The following SMG6 variants were observed in gnomAD, a reference collection of about 807,000 sequenced individuals.
The protein encoded by SMG6 is SMG6 nonsense mediated mRNA decay factor.
SMG6 carries 66 observed loss-of-function variants against 142.2 expected under a neutral mutation model. The observed-to-expected ratio is 0.46, with a 90% CI of 0.38 to 0.57. The LOEUF (loss-of-function observed/expected upper bound fraction) is 0.57. SMG6 is among the 20% of genes least tolerant of loss of function. The pLI is 0.00. For synonymous variants in SMG6, 779 were observed against 702.4 expected (o/e 1.11, Z -1.72); for missense variants, 1,793 against 1,832.0 (o/e 0.98, Z 0.39).
intron 13 of SMG6, among the ~76,000 whole-genome samples, chr17:2,164,136 G>T (rs891536668): frequency 6.6e-6 from 1 of 151,768 alleles, no homozygotes; most frequent in Non-Finnish European, 1.5e-5. Context: ...CTTAGCCAGA[G>T]AGGGGCACAG....
At chr17:2,113,572 C>T (rs568311585) in intron 13 of SMG6, among the ~76,000 whole-genome samples, 1 of 152,204 alleles carries the variant, frequency 6.6e-6, no homozygotes, top group South Asian at 2.1e-4. Context: ...GGACTGCTTT[C>T]TCTTACACAG....
chr17:2,186,053 C>T (rs778104841), intron 12 of SMG6, among the ~76,000 whole-genome samples: 6 of 152,136 alleles, frequency 3.9e-5, no homozygotes, highest in Middle Eastern at 3.4e-3. Flanking sequence ...CGGCGAAACC[C>T]TGTCTCTACC....
chr17:2,120,966 T>A (rs946533396), intron 13 of SMG6, among the ~76,000 whole-genome samples: 12 of 152,132 alleles, frequency 7.9e-5, no homozygotes, highest in Non-Finnish European at 1.8e-4. Flanking sequence ...CTATAGATGA[T>A]GAGCTTAAAA....
chr17:2,116,614 C>T lies in SMG6; in HGVS notation c.3358-30713G>A, dbSNP rs143841836. 4.7e-4 allele frequency among the ~76,000 whole-genome samples: 71 copies of T among 151,918 alleles called. 1 individual carries two copies. The East Asian group carries it at 0.014, about 29-fold the overall frequency. On this transcript the variant is annotated intron_variant, in intron 13 of 18. Coordinates refer to ENST00000263073, the MANE Select transcript of SMG6 (RefSeq NM_017575.5). ...TACAAAAATTAGCTGGGTGTGGTGG[C>T]GGGTACATGTGTAATCCCAGTTACT...
chr17:2,160,581 G>T (rs1214069007), intron 13 of SMG6, among the ~76,000 whole-genome samples: 1 of 152,154 alleles, frequency 6.6e-6, no homozygotes, highest in Non-Finnish European at 1.5e-5. Flanking sequence ...TGTAATTCCA[G>T]CACTTTAGGA....
chr17:2,151,906 G>C (rs547142130), intron 13 of SMG6, among the ~76,000 whole-genome samples: 2 of 152,222 alleles, frequency 1.3e-5, no homozygotes, highest in Non-Finnish European at 2.9e-5. Flanking sequence ...CCCTGACTAG[G>C]CTCTGCCGAT....
At chr17:2,210,075 C>G (rs2072802857) in intron 10 of SMG6, among the ~76,000 whole-genome samples, 1 of 152,138 alleles carries the variant, frequency 6.6e-6, no homozygotes, top group Non-Finnish European at 1.5e-5. Context: ...GACTCAGCCC[C>G]TTTGACCCAA....
chr17:2,087,414 A>T, intron 13 of SMG6: 1 of 1,185,172 alleles, frequency 8.4e-7, no homozygotes, highest in Non-Finnish European at 1.1e-6. Flanking sequence ...TTCACCAAAA[A>T]GCCAACCCCG....
At chr17:2,125,770 T>C (rs1404840064) in intron 13 of SMG6, among the ~76,000 whole-genome samples, 1 of 152,104 alleles carries the variant, frequency 6.6e-6, no homozygotes, top group Non-Finnish European at 1.5e-5. Context: ...CTGGTCAACA[T>C]GGCAAAACAC....
At chr17:2,116,102 G>A (rs1190924196) in intron 13 of SMG6, among the ~76,000 whole-genome samples, 10 of 152,040 alleles carry the variant, frequency 6.6e-5, no homozygotes, top group African/African-American at 9.7e-5. Context: ...ACAGGATCTC[G>A]CTGTGTTGCC....
chr17:2,289,222 C>G (rs2074977083), intron 6 of SMG6, among the ~76,000 whole-genome samples: 1 of 151,832 alleles, frequency 6.6e-6, no homozygotes, highest in African/African-American at 2.4e-5. Context: ...TGTATTCCAG[C>G]CTGGGTGACA....
chr17:2,167,976 T>C (rs1235764518), intron 13 of SMG6, among the ~76,000 whole-genome samples: 1 of 152,146 alleles, frequency 6.6e-6, no homozygotes, highest in Non-Finnish European at 1.5e-5. Flanking sequence ...TAAAAAGTTC[T>C]CCTGCCTCAG....
At chr17:2,138,466 G>A (rs2070374672) in intron 13 of SMG6, among the ~76,000 whole-genome samples, 1 of 152,092 alleles carries the variant, frequency 6.6e-6, no homozygotes, top group Non-Finnish European at 1.5e-5. Context: ...CAGACTAAAT[G>A]AAGACATATA....
chr17:2,093,004 G>A (rs1323127667), intron 13 of SMG6, among the ~76,000 whole-genome samples: 3 of 152,070 alleles, frequency 2.0e-5, no homozygotes, highest in African/African-American at 7.2e-5. Flanking sequence ...AGATCAGCCC[G>A]GCCAACATGG....
At chr17:2,210,245 T>C (rs912938611) in intron 10 of SMG6, among the ~76,000 whole-genome samples, 5 of 152,022 alleles carry the variant, frequency 3.3e-5, no homozygotes, top group Non-Finnish European at 5.9e-5. Flanking sequence ...TGGGGGGAAC[T>C]TGACAAGTGA....
At position 2,063,742 on chromosome 17, in the gene SMG6, G is replaced by T. The variant is rs558125976; in HGVS notation, c.4129+1331C>A. On this transcript the variant is annotated intron_variant, in intron 18 of 18. Coordinates refer to ENST00000263073, the MANE Select transcript of SMG6 (RefSeq NM_017575.5). ...AGGAGTTTGGAGGATTTGGGAGGGA[G>T]AGGCTTGTGGGGTTGGTGGTGGCGA... 2.6e-5 allele frequency among the ~76,000 whole-genome samples: 4 copies of T among 152,358 alleles called. No individual in the cohort carries two copies. In the South Asian group the frequency reaches 8.3e-4, roughly 32 times the overall value.
At chr17:2,281,925 T>C (rs142682364) in intron 8 of SMG6, among the ~76,000 whole-genome samples, 2 of 152,304 alleles carry the variant, frequency 1.3e-5, no homozygotes, top group Admixed American at 6.5e-5. Context: ...TCAAGCTAAC[T>C]CCTACTTGTT....
intron 13 of SMG6, among the ~76,000 whole-genome samples, chr17:2,131,591 T>C (rs1057405504): frequency 6.6e-6 from 1 of 151,964 alleles, no homozygotes; most frequent in Non-Finnish European, 1.5e-5. Context: ...TGAGCCCCCA[T>C]GCCCAGCCAG....
intron 12 of SMG6, among the ~76,000 whole-genome samples, chr17:2,179,982 TACTG>T (rs541856005): frequency 1.5e-3 from 236 of 152,316 alleles, no homozygotes; most frequent in African/African-American, 5.5e-3. Context: ...CTCTTTCACT[TACTG>T]AGAACTAGAA....
Sources: allele counts gnomAD v4.1 joint callset (sites outside exome capture counted in the v4.1 genomes callset), GRCh38; gene constraint gnomAD v4.1.1; transcripts MANE v1.5; gene names NCBI Gene and HGNC (gene_info 2026-07-23, HGNC 2026-07-21).